The following HPGD variants were observed in gnomAD, a reference collection of about 807,000 sequenced individuals.
HPGD encodes 15-hydroxyprostaglandin dehydrogenase, also known as 15-hydroxyprostaglandin dehydrogenase [NAD(+)].
In HPGD, 29 loss-of-function variants were observed where a neutral mutation model predicts 30.0. The ratio of observed to expected loss-of-function variants is 0.97; its 90% CI spans 0.72 to 1.32. HPGD has a LOEUF of 1.32. Ranked by LOEUF, HPGD falls within the 40% of genes most tolerant of loss-of-function variation. The probability of loss-of-function intolerance (pLI) is 0.00; values close to 1 mark genes in which losing one functional copy is unlikely to be tolerated. For missense variants in HPGD, 340 were observed against 322.1 expected, an observed-to-expected ratio of 1.06 and a Z score of -0.43; for synonymous variants, 99 against 112.4, an observed-to-expected ratio of 0.88 and a Z score of 0.75.
intron 4 of HPGD, among the ~76,000 whole-genome samples, chr4:174,503,434 C>T (rs1260983700): frequency 1.3e-5 from 2 of 152,124 alleles, no homozygotes; most frequent in South Asian, 2.1e-4. Context: ...TTAAATTGAC[C>T]TCTATTGTAG....
At chr4:174,498,977 T>A (rs1734778609) in intron 4 of HPGD, among the ~76,000 whole-genome samples, 1 of 152,208 alleles carries the variant, frequency 6.6e-6, no homozygotes, top group African/African-American at 2.4e-5. Flanking sequence ...TTCTACTGCA[T>A]CTGATTCATT....
chr4:174,497,285 C>T (rs1734644651), intron 4 of HPGD, among the ~76,000 whole-genome samples: 1 of 152,192 alleles, frequency 6.6e-6, no homozygotes, highest in Non-Finnish European at 1.5e-5. Context: ...ATTTTTGTTA[C>T]ATATGCAGAG....
intron 2 of HPGD, among the ~76,000 whole-genome samples, chr4:174,519,620 C>T (rs1435054851): frequency 2.0e-5 from 3 of 152,150 alleles, no homozygotes; most frequent in African/African-American, 7.2e-5. Context: ...TAACTGATGA[C>T]ATTACCTTGT....
chr4:174,506,589 C>A (rs1352002799), intron 4 of HPGD, among the ~76,000 whole-genome samples: 1 of 152,172 alleles, frequency 6.6e-6, no homozygotes, highest in Non-Finnish European at 1.5e-5. Flanking sequence ...TTAGTTTCCT[C>A]ATTTTCAAAA....
Position 174,491,497 on chromosome 4 carries a change from G to A in HPGD, c.*459C>T, listed in dbSNP as rs1247771732. 1 of 171,186 alleles carries A rather than the reference G, an allele frequency of 5.8e-6. No individual in the cohort carries two copies. Among genetic ancestry groups the A allele is most frequent in the Non-Finnish European group, 1.3e-5 (1 of 79,410 alleles). 10.6% of individuals were successfully genotyped at this position (171,186 alleles called of 1,614,324 possible). ...TGTTCAGTTGAAAGATGGTATATAA[G>A]TAAAAATTATTATTGTGAAATATTT... On this transcript the variant is annotated 3_prime_UTR_variant, in exon 7 of 7. Coordinates refer to ENST00000296522, the MANE Select transcript of HPGD (RefSeq NM_000860.6).
chr4:174,511,933 A>T (rs1389954533), intron 3 of HPGD, among the ~76,000 whole-genome samples: 2 of 152,198 alleles, frequency 1.3e-5, no homozygotes, highest in Non-Finnish European at 2.9e-5. Flanking sequence ...GGCGTGAGTC[A>T]CCGCTCCCGG....
chr4:174,509,922 A>G (rs1053679978), intron 3 of HPGD, among the ~76,000 whole-genome samples: 7 of 148,454 alleles, frequency 4.7e-5, no homozygotes, highest in Non-Finnish European at 6.0e-5. Flanking sequence ...AAAAAAAAAA[A>G]GAAAAAAAAA....
intron 1 of HPGD, 119 bp from the exon 2 acceptor site, chr4:174,522,186 C>T: frequency 6.6e-7 from 1 of 1,505,220 alleles, no homozygotes; most frequent in East Asian, 2.3e-5. Context: ...GTTTGGGTTC[C>T]CTCCCAGCCA....
intron 3 of HPGD, among the ~76,000 whole-genome samples, chr4:174,511,321 G>A (rs966911567): frequency 2.6e-5 from 4 of 152,104 alleles, no homozygotes; most frequent in African/African-American, 9.7e-5. Context: ...TACTAAGCAC[G>A]TGAGAGTTAT....
rs1368756550 is a variant in HPGD at position 174,492,415 on chromosome 4, T to C, written c.663-321A>G. Among the ~76,000 whole-genome samples, 1 of 152,030 alleles carries C rather than the reference T, an allele frequency of 6.6e-6. No homozygotes were observed. The highest frequency in any genetic ancestry group is 1.5e-5 in the Non-Finnish European group (1 of 67,890). On this transcript the variant is annotated intron_variant, in intron 6 of 6. Transcript: ENST00000296522. The surrounding 1 kb of genome is among the most constrained non-coding windows in gnomAD (Gnocchi z 4.9). ...CACTGAGCAAATGATCATTTTCTCA[T>C]CTTTATCGTATCAGTAGATCTTAGA...
At chr4:174,513,981 G>T (rs1235201792) in intron 3 of HPGD, among the ~76,000 whole-genome samples, 1 of 152,038 alleles carries the variant, frequency 6.6e-6, no homozygotes, top group East Asian at 1.9e-4. Flanking sequence ...TTTGAGATAA[G>T]AATGCCTCTG....
rs1374638037 is a variant in HPGD at position 174,492,112 on chromosome 4, A to G, written c.663-18T>C. Reference sequence around the variant, plus strand: ...ATGGTGGGCTAAAAATAAAGAAAACAGTATTTTGAAACGAAAGAATGAGGC... The same window carrying G: ...ATGGTGGGCTAAAAATAAAGAAAACGGTATTTTGAAACGAAAGAATGAGGC... On this transcript the variant is annotated intron_variant, in intron 6 of 6. Coordinates refer to ENST00000296522, the MANE Select transcript of HPGD (RefSeq NM_000860.6). This position sits in a 1 kb window ranked among gnomAD's most constrained non-coding sequence, Gnocchi z 4.9. 5 of 1,606,968 alleles carry G rather than the reference A, an allele frequency of 3.1e-6. No individual in the cohort carries two copies. Among genetic ancestry groups the G allele is most frequent in the Admixed American group, 1.7e-5 (1 of 59,990 alleles).
At position 174,495,570 on chromosome 4, in the gene HPGD, A is replaced by C. The variant is rs1427046799; in HGVS notation, c.476T>G (p.Val159Gly). The C allele has an allele frequency of 6.2e-7, 1 of 1,613,602 alleles. No homozygotes were observed. The highest frequency in any genetic ancestry group is 8.5e-7 in the Non-Finnish European group (1 of 1,179,668). ...CACCGCTGCTGAGCGTGTGAATCCA[A>C]CTATGCCATGCTTTGAAGCACAATA... ...PVYCASKHGI[V>G]GFTRSAALAA... The change falls in exon 5 of 7, where the codon GTT becomes GGT. Residue 159 changes from valine to glycine, a missense_variant. Physicochemically the swap from Val to Gly is moderately radical, Grantham distance 109. Coordinates refer to ENST00000296522, the MANE Select transcript of HPGD (RefSeq NM_000860.6).
At chr4:174,510,975 T>C (rs1182145200) in intron 3 of HPGD, among the ~76,000 whole-genome samples, 1 of 152,196 alleles carries the variant, frequency 6.6e-6, no homozygotes, top group African/African-American at 2.4e-5. Context: ...GGAAGGGAAG[T>C]GTAATTTATT....
In HPGD at chr4:174,495,611, A is replaced by C. The variant is rs1444408658; in HGVS notation, c.435T>G (p.Val145=). The C allele has an allele frequency of 1.2e-6, 2 of 1,613,314 alleles. No individual in the cohort carries two copies. Among genetic ancestry groups the C allele is most frequent in the South Asian group, 2.2e-5 (2 of 91,072 alleles). Residue 145 remains valine, a synonymous_variant, in exon 5 of 7, where the codon GTT becomes GTG. Transcript: ENST00000296522. The stretch of plus-strand genomic sequence containing the variant: ...AAGCACAATAAACCGGCTGCTGTGC[A>C]ACGGGCATGAGTCCTGAAACAGACA... ...NMSSLAGLMP[V]AQQPVYCASK...
chr4:174,502,090 C>G (rs904587485), intron 4 of HPGD, among the ~76,000 whole-genome samples: 33 of 152,272 alleles, frequency 2.2e-4, no homozygotes, highest in African/African-American at 7.5e-4. Flanking sequence ...AGTTCTGTAA[C>G]TACGCTAAAA....
exon 1 of HPGD, chr4:174,522,480 GGCGAGCTCC>G (rs1385609197): frequency 7.3e-6 from 11 of 1,514,094 alleles, no homozygotes; most frequent in African/African-American, 1.4e-5. Context: ...GCGGGCGGTG[GGCGAGCTCC>G]GCGTCTCCGC....
chr4:174,495,269 G>A, intron 5 of HPGD: 1 of 423,330 alleles, frequency 2.4e-6, no homozygotes, highest in Non-Finnish European at 4.3e-6. Flanking sequence ...ATTTCCATTT[G>A]GGGTCATTTT....
At chr4:174,503,628 T>G (rs1404212511) in intron 4 of HPGD, among the ~76,000 whole-genome samples, 7 of 152,176 alleles carry the variant, frequency 4.6e-5, no homozygotes, top group Admixed American at 4.6e-4. Flanking sequence ...ATGTTTTATT[T>G]CACCTGGAAT....
Sources: gnomAD v4.1 joint callset for allele counts (sites outside exome capture counted in the v4.1 genomes callset) on GRCh38, gnomAD v4.1.1 for gene constraint, Gnocchi (gnomAD v3.1) non-coding constraint, MANE v1.5 for transcripts, NCBI Gene and HGNC (gene_info 2026-07-23, HGNC 2026-07-21) for gene names.